Variants in KCNMA1 observed in about 807,000 individuals in gnomAD.
The protein encoded by KCNMA1 is Calcium-activated potassium channel subunit alpha-1.
A neutral mutation model predicts 140.0 loss-of-function variants in KCNMA1; 29 were observed. The ratio of observed to expected loss-of-function variants is 0.21; its 90% CI spans 0.15 to 0.28. The LOEUF is 0.28. KCNMA1 is among the 10% of genes least tolerant of loss of function. The pLI is 1.00. For synonymous variants in KCNMA1, 612 were observed against 611.9 expected (o/e 1.00, Z 0.00); for missense variants, 880 against 1,602.2 (o/e 0.55, Z 7.70).
At chr10:77,175,637 G>A (rs2098745952) in intron 5 of KCNMA1, among the ~76,000 whole-genome samples, 1 of 152,214 alleles carries the variant, frequency 6.6e-6, no homozygotes, top group Admixed American at 6.5e-5. Flanking sequence ...AAAGGTCAGA[G>A]AGGAATTCAT....
intron 2 of KCNMA1, among the ~76,000 whole-genome samples, chr10:77,270,146 G>A (rs906354354): frequency 2.0e-5 from 3 of 152,154 alleles, no homozygotes; most frequent in Admixed American, 6.5e-5. Flanking sequence ...CCTGCCAGTG[G>A]CAATGCAGGC....
rs542395602 is a variant in KCNMA1 at position 77,292,959 on chromosome 10, A to G, written c.541-41703T>C. 3.3e-5 allele frequency among the ~76,000 whole-genome samples: 5 copies of G among 152,328 alleles called. No individual in the cohort carries two copies. In the South Asian group the frequency reaches 1.0e-3, roughly 32 times the overall value. On this transcript the variant is annotated intron_variant, in intron 2 of 27. Coordinates refer to ENST00000286628, the MANE Select transcript of KCNMA1 (RefSeq NM_001161352.2). The stretch of plus-strand genomic sequence containing the variant: ...TGGCAGGATTTGGGGATGGAGAGCT[A>G]TATCAGCTGGTAAGGGGATATCTCT...
At chr10:77,336,648 T>C (rs1159901131) in intron 2 of KCNMA1, among the ~76,000 whole-genome samples, 1 of 152,208 alleles carries the variant, frequency 6.6e-6, no homozygotes, top group Non-Finnish European at 1.5e-5. Context: ...CAATTTCAAA[T>C]GGCTGTCATT....
At chr10:77,450,970 A>ATGC (rs1350522417) in intron 1 of KCNMA1, among the ~76,000 whole-genome samples, 3 of 152,114 alleles carry the variant, frequency 2.0e-5, no homozygotes, top group African/African-American at 7.2e-5. Context: ...TCCCCTGCAC[A>ATGC]TGCCTTCTTA....
At chr10:77,067,155 G>T (rs1232314900) in intron 14 of KCNMA1, among the ~76,000 whole-genome samples, 1 of 152,198 alleles carries the variant, frequency 6.6e-6, no homozygotes, top group Non-Finnish European at 1.5e-5. Flanking sequence ...AATTTGTGGA[G>T]TGAGTAAAGC....
intron 2 of KCNMA1, among the ~76,000 whole-genome samples, chr10:77,387,763 G>A (rs1332085207): frequency 6.6e-6 from 1 of 151,924 alleles, no homozygotes; most frequent in South Asian, 2.1e-4. Flanking sequence ...GACTACAGGT[G>A]CCTGCCAGCA....
chr10:76,946,884 G>A (rs2064143798), intron 22 of KCNMA1, among the ~76,000 whole-genome samples: 1 of 152,164 alleles, frequency 6.6e-6, no homozygotes, highest in African/African-American at 2.4e-5. Flanking sequence ...CTATAGGCAG[G>A]GTACTGTTTA....
chr10:77,209,652 C>T (rs1565228307), intron 3 of KCNMA1, among the ~76,000 whole-genome samples: 1 of 151,886 alleles, frequency 6.6e-6, no homozygotes, highest in Non-Finnish European at 1.5e-5. Flanking sequence ...TACAAGAATG[C>T]TAGACAGCTG....
intron 29 of KCNMA1, among the ~76,000 whole-genome samples, chr10:76,878,968 C>T (rs1172122927): frequency 2.6e-5 from 4 of 152,094 alleles, no homozygotes; most frequent in Non-Finnish European, 4.4e-5. Flanking sequence ...CTATCAAGCA[C>T]GTCCACTGCT....
At chr10:77,238,633 G>A (rs1302640501) in intron 3 of KCNMA1, among the ~76,000 whole-genome samples, 1 of 152,166 alleles carries the variant, frequency 6.6e-6, no homozygotes, top group Non-Finnish European at 1.5e-5. Flanking sequence ...ACACAGCAGA[G>A]ACTTTCACTT....
chr10:77,598,822 G>A (rs1451159879), intron 1 of KCNMA1, among the ~76,000 whole-genome samples: 1 of 152,242 alleles, frequency 6.6e-6, no homozygotes, highest in South Asian at 2.1e-4. Flanking sequence ...AGACACTACA[G>A]AGTAGATGCT....
intron 25 of KCNMA1, among the ~76,000 whole-genome samples, chr10:76,896,909 T>G (rs1299616220): frequency 6.6e-6 from 1 of 151,992 alleles, no homozygotes; most frequent in Non-Finnish European, 1.5e-5. Flanking sequence ...AGTTGTATAG[T>G]ATGTTGTGTC....
At chr10:77,300,003 C>G (rs1310751121) in intron 2 of KCNMA1, among the ~76,000 whole-genome samples, 1 of 152,190 alleles carries the variant, frequency 6.6e-6, no homozygotes, top group African/African-American at 2.4e-5. Context: ...GCTTCTCTCC[C>G]TGGGCTGGGC....
At chr10:77,322,472 T>A (rs138157588) in intron 2 of KCNMA1, among the ~76,000 whole-genome samples, 1 of 152,224 alleles carries the variant, frequency 6.6e-6, no homozygotes, top group African/African-American at 2.4e-5. Flanking sequence ...GCTGCAGATG[T>A]GTTTATCAGA....
chr10:77,571,965 T>C (rs2071534204), intron 1 of KCNMA1, among the ~76,000 whole-genome samples: 1 of 152,194 alleles, frequency 6.6e-6, no homozygotes, highest in African/African-American at 2.4e-5. Flanking sequence ...TTTAATGACC[T>C]ATAAGGCTAA....
intron 1 of KCNMA1, among the ~76,000 whole-genome samples, chr10:77,592,993 G>C (rs993316127): frequency 6.6e-6 from 1 of 152,194 alleles, no homozygotes; most frequent in Non-Finnish European, 1.5e-5. Flanking sequence ...TTTCTTGCCA[G>C]CAAACCACTT....
At chr10:76,986,905 T>G (rs970179264) in intron 19 of KCNMA1, among the ~76,000 whole-genome samples, 1 of 152,188 alleles carries the variant, frequency 6.6e-6, no homozygotes, top group African/African-American at 2.4e-5. Flanking sequence ...ACAAATGTGT[T>G]ACCTTCAGAA....
At chr10:77,543,675 T>C (rs1424787904) in intron 1 of KCNMA1, among the ~76,000 whole-genome samples, 2 of 152,220 alleles carry the variant, frequency 1.3e-5, no homozygotes, top group Admixed American at 6.5e-5. Context: ...CATTTTAGAT[T>C]GTCGAGTAAA....
chr10:77,000,566 G>A lies in KCNMA1; in HGVS notation c.2266+841C>T, dbSNP rs536381578. The stretch of plus-strand genomic sequence containing the variant: ...ATGACAAAGAAGACTGACATCAGAG[G>A]CCTGTGCTATGGACTCAGGGATATC... On this transcript the variant is annotated intron_variant, in intron 19 of 27. Transcript: ENST00000286628. 2.6e-5 allele frequency among the ~76,000 whole-genome samples: 4 copies of A among 152,178 alleles called. No individual in the cohort carries two copies. In the East Asian group the frequency reaches 7.8e-4, roughly 30 times the overall value.
Sources: gnomAD v4.1 joint callset for allele counts (sites outside exome capture counted in the v4.1 genomes callset) on GRCh38, gnomAD v4.1.1 for gene constraint, MANE v1.5 for transcripts, NCBI Gene and HGNC (gene_info 2026-07-23, HGNC 2026-07-21) for gene names.